FRAS1: variants seen among roughly 807,000 people sequenced by gnomAD.
FRAS1 encodes the protein extracellular matrix organizing protein FRAS1.
FRAS1 carries 290 observed loss-of-function variants against 435.2 expected under a neutral mutation model. The ratio of observed to expected loss-of-function variants is 0.67; its 90% CI spans 0.61 to 0.73. The LOEUF is 0.73. Ranked by LOEUF, FRAS1 falls within the 30% of genes least tolerant of loss-of-function variation. The pLI, the probability that FRAS1 is intolerant of heterozygous loss-of-function variation, is 0.00. For synonymous variants in FRAS1, 1,800 were observed against 1,851.0 expected (o/e 0.97, Z 0.71); for missense variants, 4,860 against 5,001.5 (o/e 0.97, Z 0.85).
At position 78,058,023 on chromosome 4, in the gene FRAS1, A is replaced by T. The variant is rs1411023697; in HGVS notation, c.14A>T (p.Lys5Ile). 4 of 1,613,680 alleles carry T rather than the reference A, an allele frequency of 2.5e-6. No individual in the cohort carries two copies. Among genetic ancestry groups the T allele is most frequent in the Non-Finnish European group, 3.4e-6 (4 of 1,179,840 alleles). MGVLKVWLGLALALA... is the reference protein window; with the variant it reads MGVLIVWLGLALALA... The stretch of plus-strand genomic sequence containing the variant: ...GCCGAGGCGGCGATGGGTGTCCTCA[A>T]AGTGTGGCTCGGGCTGGCCCTAGCG... The change falls in exon 1 of 74, where the codon AAA becomes ATA. Residue 5 changes from lysine to isoleucine, a missense_variant. Physicochemically the swap from Lys to Ile is moderately radical, Grantham distance 102. Transcript: ENST00000512123.
chr4:78,384,907 CAAAAAAAAAAAA>C lies in FRAS1; in HGVS notation c.3648+775_3648+786del, dbSNP rs11315732. On this transcript the variant is annotated intron_variant, in intron 28 of 73. Coordinates refer to ENST00000512123, the MANE Select transcript of FRAS1 (RefSeq NM_025074.7). The stretch of plus-strand genomic sequence containing the variant: ...TGAGCAACACAGTGAGACCCTGTCT[CAAAAAAAAAAAA>C]AAAAAAAAAAGACTGTCTTTATCTT... Among the ~76,000 whole-genome samples the C allele has an allele frequency of 3.3e-3, 340 of 101,776 alleles. 2 individuals carry two copies. Among genetic ancestry groups the C allele is most frequent in the African/African-American group, 0.014 (316 of 23,380 alleles). 66.8% of individuals were successfully genotyped at this position (101,776 alleles called of 152,430 possible).
chr4:78,469,684 G>T (rs1423595741), intron 50 of FRAS1, among the ~76,000 whole-genome samples: 1 of 151,812 alleles, frequency 6.6e-6, no homozygotes, highest in African/African-American at 2.4e-5. Flanking sequence ...AGAAGACATA[G>T]GTGTGTAAAA....
At chr4:78,369,427 A>G (rs1731411219) in intron 22 of FRAS1, among the ~76,000 whole-genome samples, 1 of 152,202 alleles carries the variant, frequency 6.6e-6, no homozygotes, top group Non-Finnish European at 1.5e-5. Flanking sequence ...AAGCTCCCCA[A>G]TAAAGTTGGT....
At chr4:78,424,514 T>G in intron 35 of FRAS1, 94 bp downstream of exon 35, 1 of 559,950 alleles carries the variant, frequency 1.8e-6, no homozygotes, top group Non-Finnish European at 3.0e-6. Context: ...TTTTAGCTAT[T>G]TTCTAAGAAC....
intron 2 of FRAS1, among the ~76,000 whole-genome samples, chr4:78,210,186 C>T (rs1415217591): frequency 1.3e-5 from 2 of 152,178 alleles, no homozygotes; most frequent in Non-Finnish European, 2.9e-5. Flanking sequence ...TTCCCTAGCC[C>T]TCACAACTCT....
intron 20 of FRAS1, among the ~76,000 whole-genome samples, chr4:78,354,080 G>T (rs546323395): frequency 6.7e-6 from 1 of 149,640 alleles, no homozygotes; most frequent in Non-Finnish European, 1.5e-5. Flanking sequence ...TGCTCATGAC[G>T]TGTTGTTGGC....
intron 30 of FRAS1, among the ~76,000 whole-genome samples, chr4:78,402,842 C>T (rs1481942752): frequency 6.6e-6 from 1 of 152,152 alleles, no homozygotes; most frequent in African/African-American, 2.4e-5. Context: ...TTGAAGAGTG[C>T]TGGTCAGATA....
chr4:78,149,777 C>T (rs1199215649), intron 2 of FRAS1, among the ~76,000 whole-genome samples: 1 of 152,188 alleles, frequency 6.6e-6, no homozygotes, highest in Non-Finnish European at 1.5e-5. Flanking sequence ...TCTCACACTT[C>T]AGCTGATGTT....
At chr4:78,270,510 A>G (rs1726611654) in intron 9 of FRAS1, among the ~76,000 whole-genome samples, 2 of 151,168 alleles carry the variant, frequency 1.3e-5, no homozygotes, top group Admixed American at 1.3e-4. Context: ...TCCCTCCCAC[A>G]ATTTTTTCAA....
intron 17 of FRAS1, among the ~76,000 whole-genome samples, chr4:78,317,889 G>C (rs975282244): frequency 3.3e-5 from 5 of 152,198 alleles, no homozygotes; most frequent in Admixed American, 2.0e-4. Flanking sequence ...AGCAAACTGA[G>C]AGTCACTAGC....
intron 31 of FRAS1, 102 bp downstream of exon 31, chr4:78,407,943 T>C: frequency 9.7e-7 from 1 of 1,035,436 alleles, no homozygotes; most frequent in Non-Finnish European, 1.4e-6. Context: ...TGACAGGAAA[T>C]CACATTTGGG....
chr4:78,469,438 C>A (rs901219508), intron 50 of FRAS1, among the ~76,000 whole-genome samples: 3 of 152,086 alleles, frequency 2.0e-5, no homozygotes, highest in African/African-American at 4.8e-5. Context: ...CCCTCACCCT[C>A]ATATAGAGAG....
At chr4:78,163,593 A>G (rs1721224165) in intron 2 of FRAS1, among the ~76,000 whole-genome samples, 1 of 152,182 alleles carries the variant, frequency 6.6e-6, no homozygotes, top group Admixed American at 6.5e-5. Context: ...TACCCCACAA[A>G]GAAAACAATA....
rs542448315 is a variant in FRAS1 at position 78,458,723 on chromosome 4, A to G, written c.6764-5298A>G. 2.6e-5 allele frequency among the ~76,000 whole-genome samples: 4 copies of G among 152,316 alleles called. No individual in the cohort carries two copies. In the East Asian group the frequency reaches 5.8e-4, roughly 22 times the overall value. ...TAATTTTTTTAAACCTGCAGAATTCATGTAACTTCAGACATAACCACCACC... is the reference window on the plus strand; with the variant it reads ...TAATTTTTTTAAACCTGCAGAATTCGTGTAACTTCAGACATAACCACCACC... On this transcript the variant is annotated intron_variant, in intron 47 of 73. Transcript: ENST00000512123.
intron 1 of FRAS1, among the ~76,000 whole-genome samples, chr4:78,065,268 A>G (rs1168576323): frequency 2.0e-5 from 3 of 147,220 alleles, no homozygotes; most frequent in Non-Finnish European, 4.5e-5. Flanking sequence ...TGTATATACT[A>G]TATATGTAAT....
intron 29 of FRAS1, among the ~76,000 whole-genome samples, chr4:78,390,506 G>A (rs898272989): frequency 6.6e-6 from 1 of 152,138 alleles, no homozygotes; most frequent in Non-Finnish European, 1.5e-5. Context: ...TCCAGCTAGT[G>A]TTTTTCAGTG....
rs571896862 is a variant in FRAS1, at chr4:78,162,504, A to G, written c.109-75006A>G. On this transcript the variant is annotated intron_variant, in intron 2 of 73. Coordinates refer to ENST00000512123, the MANE Select transcript of FRAS1 (RefSeq NM_025074.7). ...CTGAGGAAACAGAAAGCAGTAATTC[A>G]CTGTTGTAAATGAAGATTGAGTGTG... is the stretch of plus-strand genomic sequence containing the variant. 5.6e-4 allele frequency among the ~76,000 whole-genome samples: 85 copies of G among 152,340 alleles called. 1 individual carries two copies. Among genetic ancestry groups the G allele is most frequent in the Middle Eastern group, 3.4e-3 (1 of 294 alleles).
chr4:78,491,488 G>C (rs928806700), intron 59 of FRAS1, among the ~76,000 whole-genome samples: 1 of 152,136 alleles, frequency 6.6e-6, no homozygotes. Context: ...GGGATGCAAG[G>C]CTAGTTCAAC....
At chr4:78,307,053 TC>T (rs1728765432) in intron 14 of FRAS1, among the ~76,000 whole-genome samples, 7 of 152,244 alleles carry the variant, frequency 4.6e-5, no homozygotes, top group Admixed American at 4.6e-4. Flanking sequence ...GGTGTGGATG[TC>T]CTTTCTGTTT....
Sources: allele counts gnomAD v4.1 joint callset (sites outside exome capture counted in the v4.1 genomes callset), GRCh38; gene constraint gnomAD v4.1.1; transcripts MANE v1.5; gene names NCBI Gene and HGNC (gene_info 2026-07-23, HGNC 2026-07-21).